CZIB: variants seen among roughly 807,000 people sequenced by gnomAD.
The protein encoded by CZIB is UPF0587 protein C1orf123.
In CZIB, 26 loss-of-function variants were observed where a neutral mutation model predicts 28.3. That is an observed-to-expected ratio of 0.92 (90% CI 0.67 to 1.27). The LOEUF (loss-of-function observed/expected upper bound fraction) is 1.27, where lower values mean the gene tolerates loss of function less well. CZIB is among the 50% of genes most tolerant of loss of function. CZIB has a pLI of 0.00. For missense variants in CZIB, 179 were observed against 197.3 expected (o/e 0.91, Z 0.56); for synonymous variants, 78 against 71.1 (o/e 1.10, Z -0.49).
intron 5 of CZIB, 154 bp downstream of exon 5, chr1:53,218,018 A>C: frequency 1.3e-6 from 1 of 792,862 alleles, no homozygotes; most frequent in South Asian, 1.8e-5. Flanking sequence ...CTCAGTGTAC[A>C]GTGGATAAAT....
chr1:53,218,841 T>C (rs1450058018), intron 3 of CZIB, 26 bp downstream of exon 3: 6 of 1,587,668 alleles, frequency 3.8e-6, no homozygotes, highest in Admixed American at 1.7e-5. Flanking sequence ...AGTGTTTATG[T>C]TGGGGGTTGG....
chr1:53,218,037 CAAA>C (rs2100287652), intron 5 of CZIB, 132 bp downstream of exon 5: 2 of 939,530 alleles, frequency 2.1e-6, no homozygotes, highest in East Asian at 2.6e-5. Flanking sequence ...ATGACTGAGT[CAAA>C]GAAGAACTAA....
intron 7 of CZIB, among the ~76,000 whole-genome samples, chr1:53,214,952 G>A (rs577192022): frequency 2.0e-5 from 3 of 152,200 alleles, no homozygotes; most frequent in South Asian, 2.1e-4. Flanking sequence ...TCCCTTCTCC[G>A]AGTCCTGTCT....
intron 5 of CZIB, 26 bp downstream of exon 5, chr1:53,218,146 C>A: frequency 6.2e-7 from 1 of 1,612,716 alleles, no homozygotes; most frequent in Non-Finnish European, 8.5e-7. Context: ...AGCCCACCAT[C>A]CCTGCCACTA....
chr1:53,218,803 C>T (rs1645491137), intron 3 of CZIB, 64 bp downstream of exon 3: 2 of 1,504,646 alleles, frequency 1.3e-6, no homozygotes, highest in Non-Finnish European at 1.8e-6. Context: ...TCCCCAAATC[C>T]CTGCCCAGAA....
At chr1:53,219,989 C>T (rs1187767210) in intron 2 of CZIB, 3 of 445,460 alleles carry the variant, frequency 6.7e-6, no homozygotes, top group Non-Finnish European at 8.0e-6. Context: ...TAATCACAAG[C>T]GTCCCTTCAA....
At chr1:53,216,429 GCA>G (rs1220583432) in intron 6 of CZIB, among the ~76,000 whole-genome samples, 3 of 152,132 alleles carry the variant, frequency 2.0e-5, no homozygotes, top group African/African-American at 7.2e-5. Flanking sequence ...GGTGAAACAT[GCA>G]CAAATAAAGG....
chr1:53,220,372 T>A (rs978122420), intron 1 of CZIB, 28 bp from the exon 2 acceptor site: 5 of 1,606,898 alleles, frequency 3.1e-6, no homozygotes, highest in Non-Finnish European at 4.2e-6. Flanking sequence ...AGCGACTGCG[T>A]CAGCCGTGCC....
Position 53,215,917 on chromosome 1 carries a change from T to C in CZIB, c.405+74A>G, listed in dbSNP as rs559185932. On this transcript the variant is annotated intron_variant, in intron 7 of 7. Transcript: ENST00000294360. ...AAATACAGAGTTGGCTTTCCATTGA[T>C]GAGCCTTGTCCACCAAAAAAATAAT... The C allele has an allele frequency of 5.9e-5, 87 of 1,467,696 alleles. 1 individual carries two copies. In the East Asian group the frequency reaches 1.4e-3, roughly 24 times the overall value. 90.9% of individuals were successfully genotyped at this position (1,467,696 alleles called of 1,614,324 possible). A position where few individuals can be genotyped will look rare whatever the true frequency, so the allele number is the denominator to read the frequency against.
At chr1:53,216,676 AAGG>A (rs1645475985) in intron 6 of CZIB, 103 bp downstream of exon 6, 1 of 1,023,260 alleles carries the variant, frequency 9.8e-7, no homozygotes, top group Non-Finnish European at 1.5e-6. Context: ...TACCGCTAGA[AAGG>A]AGAATGTCTA....
rs576038288 is a variant in CZIB, at chr1:53,218,398, G to A, written c.229+16C>T. The A allele has an allele frequency of 2.5e-5, 40 of 1,613,854 alleles. No homozygotes were observed. In the Admixed American group the frequency reaches 4.8e-4, roughly 19 times the overall value. On this transcript the variant is annotated intron_variant, in intron 4 of 7. Transcript: ENST00000294360. Reference sequence around the variant, plus strand: ...GGGCCACCCTGGCAGAACTCAGTACGCACAGCCTGACCTACCGATGGAATT... The same window carrying A: ...GGGCCACCCTGGCAGAACTCAGTACACACAGCCTGACCTACCGATGGAATT...
chr1:53,218,852 G>A lies in CZIB; in HGVS notation c.147+15C>T. 3 of 1,597,954 alleles carry A rather than the reference G, an allele frequency of 1.9e-6. No individual in the cohort carries two copies. Among genetic ancestry groups the A allele is most frequent in the Non-Finnish European group, 2.6e-6 (3 of 1,166,134 alleles). On this transcript the variant is annotated intron_variant, in intron 3 of 7. Coordinates refer to ENST00000294360, the MANE Select transcript of CZIB (RefSeq NM_017887.3). ...TGTGAGTGTTTATGTTGGGGGTTGGGCGGGGAACAGTTACCATCAGCCGGA... is the reference window on the plus strand; with the variant it reads ...TGTGAGTGTTTATGTTGGGGGTTGGACGGGGAACAGTTACCATCAGCCGGA...
chr1:53,218,566 C>T, intron 3 of CZIB, 71 bp from the exon 4 acceptor site: 1 of 1,460,814 alleles, frequency 6.8e-7, no homozygotes, highest in Admixed American at 1.9e-5. Context: ...ATCGAGCCCA[C>T]CATTTATTGT....
rs564148316 is a variant in CZIB, at chr1:53,214,348, C to T, written c.*311G>A. 2.1e-4 allele frequency: 60 copies of T among 291,132 alleles called. No homozygotes were observed. The East Asian group carries it at 3.4e-3, about 16-fold the overall frequency. The allele number at this position is 291,132 out of a possible 1,614,324, so 18.0% of individuals were successfully genotyped here. Reference sequence around the variant, plus strand: ...CGCGGTTTCATCTCTGTAAACTTGCCCTTGACTGGGGAGATACCATCTCCT... The same window carrying T: ...CGCGGTTTCATCTCTGTAAACTTGCTCTTGACTGGGGAGATACCATCTCCT... On this transcript the variant is annotated 3_prime_UTR_variant, in exon 8 of 8. Coordinates refer to ENST00000294360, the MANE Select transcript of CZIB (RefSeq NM_017887.3).
rs990827214 is a variant in CZIB at position 53,214,325 on chromosome 1, C to T, written c.*334G>A. The T allele has an allele frequency of 2.0e-5, 5 of 248,160 alleles. No homozygotes were observed. The highest frequency in any genetic ancestry group is 3.9e-5 in the Non-Finnish European group (5 of 127,520). The allele number at this position is 248,160 out of a possible 1,614,324, so 15.4% of individuals were successfully genotyped here. A position where few individuals can be genotyped will look rare whatever the true frequency, so the allele number is the denominator to read the frequency against. On this transcript the variant is annotated 3_prime_UTR_variant, in exon 8 of 8. Coordinates refer to ENST00000294360, the MANE Select transcript of CZIB (RefSeq NM_017887.3). ...GGCTCATTGAGTGATGGTGGGATCG[C>T]GGTTTCATCTCTGTAAACTTGCCCT...
chr1:53,218,697 A>G (rs1557722728), intron 3 of CZIB, 170 bp downstream of exon 3: 2 of 790,778 alleles, frequency 2.5e-6, no homozygotes, highest in South Asian at 1.8e-5. Flanking sequence ...TCATACCTCA[A>G]AGATGCCTAT....
At position 53,216,653 on chromosome 1, in the gene CZIB, G is replaced by A. The variant is rs114929084; in HGVS notation, c.339+129C>T. 5.2e-5 allele frequency: 43 copies of A among 832,704 alleles called. No homozygotes were observed. The African/African-American group carries it at 6.6e-4, about 13-fold the overall frequency. 51.6% of individuals were successfully genotyped at this position (832,704 alleles called of 1,614,324 possible). Reference sequence around the variant, plus strand: ...CCCAAGCATACAGCAGCCACTTAAGGGACAATTATTACTACCGCTAGAAAG... The same window carrying A: ...CCCAAGCATACAGCAGCCACTTAAGAGACAATTATTACTACCGCTAGAAAG... On this transcript the variant is annotated intron_variant, in intron 6 of 7. Transcript: ENST00000294360.
At position 53,214,405 on chromosome 1, in the gene CZIB, ACTG is replaced by A. The variant is rs1645454478; in HGVS notation, c.*251_*253del. 1 of 471,884 alleles carries A rather than the reference ACTG, an allele frequency of 2.1e-6. No individual in the cohort carries two copies. The highest frequency in any genetic ancestry group is 1.9e-5 in the African/African-American group (1 of 51,832). The allele number at this position is 471,884 out of a possible 1,614,324, so 29.2% of individuals were successfully genotyped here. A position where few individuals can be genotyped will look rare whatever the true frequency, so the allele number is the denominator to read the frequency against. On this transcript the variant is annotated 3_prime_UTR_variant, in exon 8 of 8. Coordinates refer to ENST00000294360, the MANE Select transcript of CZIB (RefSeq NM_017887.3). Reference sequence around the variant, plus strand: ...TACTCTTCATTTTCCTAAGGAGTGAACTGCTGCTGCACGAATTCTTATTTGTGG... The same window carrying A: ...TACTCTTCATTTTCCTAAGGAGTGAACTGCTGCACGAATTCTTATTTGTGG...
intron 2 of CZIB, 94 bp from the exon 3 acceptor site, chr1:53,219,017 T>G: frequency 3.8e-6 from 4 of 1,061,772 alleles, no homozygotes; most frequent in Non-Finnish European, 4.4e-6. Context: ...AGGCTCATGA[T>G]CTACCTTCTT....
Sources: allele counts gnomAD v4.1 joint callset (sites outside exome capture counted in the v4.1 genomes callset), GRCh38; gene constraint gnomAD v4.1.1; transcripts MANE v1.5; gene names NCBI Gene and HGNC (gene_info 2026-07-23, HGNC 2026-07-21).